DOCK3: variants seen among roughly 807,000 people sequenced by gnomAD.
DOCK3 encodes the protein dedicator of cytokinesis 3.
DOCK3 carries 60 observed loss-of-function variants against 265.6 expected under a neutral mutation model. The observed-to-expected ratio is 0.23, with a 90% CI of 0.18 to 0.28. The LOEUF (loss-of-function observed/expected upper bound fraction) is 0.28, where lower values mean the gene tolerates loss of function less well. DOCK3 is among the 10% of genes least tolerant of loss of function. The pLI is 1.00. For missense variants in DOCK3, 1,981 were observed against 2,594.3 expected, an observed-to-expected ratio of 0.76 and a Z score of 5.14; for synonymous variants, 881 against 938.0, an observed-to-expected ratio of 0.94 and a Z score of 1.11.
chr3:51,144,254 G>A (rs1439039387), intron 9 of DOCK3, among the ~76,000 whole-genome samples: 1 of 152,120 alleles, frequency 6.6e-6, no homozygotes, highest in Non-Finnish European at 1.5e-5. Context: ...TTAAAGTGTG[G>A]TCTAGACTGT....
chr3:51,267,774 AATGTGGCACATATACACC>A (rs972127338), intron 23 of DOCK3, among the ~76,000 whole-genome samples: 6 of 152,198 alleles, frequency 3.9e-5, no homozygotes, highest in African/African-American at 1.4e-4. Context: ...AGATAAAGAA[AATGTGGCACATATACACC>A]ATGGAATACT....
intron 12 of DOCK3, among the ~76,000 whole-genome samples, chr3:51,202,969 C>A (rs1293964799): frequency 6.6e-5 from 10 of 152,146 alleles, no homozygotes. Flanking sequence ...ATTCAACAGC[C>A]CTTCATGCTA....
intron 5 of DOCK3, among the ~76,000 whole-genome samples, chr3:50,941,835 A>G (rs1041109402): frequency 6.6e-6 from 1 of 152,106 alleles, no homozygotes; most frequent in Non-Finnish European, 1.5e-5. Flanking sequence ...CATTTATATG[A>G]CATTCTCATA....
chr3:51,318,567 C>G (rs981997790), intron 32 of DOCK3, among the ~76,000 whole-genome samples: 1 of 152,028 alleles, frequency 6.6e-6, no homozygotes, highest in African/African-American at 2.4e-5. Flanking sequence ...TAATTCCATG[C>G]AACTGAATGA....
At chr3:51,140,344 A>G (rs2084992418) in intron 9 of DOCK3, among the ~76,000 whole-genome samples, 2 of 152,316 alleles carry the variant, frequency 1.3e-5, no homozygotes, top group Non-Finnish European at 2.9e-5. Context: ...TAAAAATGGA[A>G]TCATACAGTG....
intron 5 of DOCK3, among the ~76,000 whole-genome samples, chr3:51,032,343 A>T (rs2080086027): frequency 6.6e-6 from 1 of 152,192 alleles, no homozygotes; most frequent in Non-Finnish European, 1.5e-5. Context: ...AGTGCCCCCA[A>T]ATCCTAAATT....
chr3:50,828,634 A>G (rs1401106150), intron 2 of DOCK3, among the ~76,000 whole-genome samples: 1 of 150,928 alleles, frequency 6.6e-6, no homozygotes, highest in African/African-American at 2.4e-5. Flanking sequence ...CAAACTCCTG[A>G]CCTCAGGTGA....
intron 4 of DOCK3, among the ~76,000 whole-genome samples, chr3:50,928,007 C>G (rs1407079968): frequency 6.6e-6 from 1 of 151,938 alleles, no homozygotes; most frequent in East Asian, 1.9e-4. Flanking sequence ...GACCTGCATT[C>G]TAGAGAGATT....
chr3:50,743,832 T>C (rs1386087239), intron 1 of DOCK3, among the ~76,000 whole-genome samples: 1 of 152,188 alleles, frequency 6.6e-6, no homozygotes, highest in Non-Finnish European at 1.5e-5. Flanking sequence ...CTGTTTAACT[T>C]TTTGAGTAAC....
At chr3:50,873,928 GTGA>G (rs2047561439) in intron 3 of DOCK3, among the ~76,000 whole-genome samples, 1 of 152,152 alleles carries the variant, frequency 6.6e-6, no homozygotes. Flanking sequence ...TGGGGGAAGG[GTGA>G]TGTCTGTGAT....
At chr3:51,023,029 G>A (rs2079660564) in intron 5 of DOCK3, among the ~76,000 whole-genome samples, 1 of 152,094 alleles carries the variant, frequency 6.6e-6, no homozygotes, top group Admixed American at 6.6e-5. Context: ...ATGTGCCTTG[G>A]CTATGGTCTT....
chr3:51,229,620 C>T lies in DOCK3; in HGVS notation c.1917+11C>T. 6.3e-7 allele frequency: 1 copy of T among 1,582,780 alleles called. No homozygotes were observed. The highest frequency in any genetic ancestry group is 1.8e-5 in the Admixed American group (1 of 56,112). On this transcript the variant is annotated intron_variant, in intron 19 of 52. Coordinates refer to ENST00000266037, the MANE Select transcript of DOCK3 (RefSeq NM_004947.5). ...GAGGAAATTGTTAAGGTATGTCTTC[C>T]ATATAATTTAAACATACTGCATGAG...
chr3:50,882,995 C>A (rs1559764856), intron 3 of DOCK3, among the ~76,000 whole-genome samples: 1 of 152,110 alleles, frequency 6.6e-6, no homozygotes, highest in South Asian at 2.1e-4. Context: ...GAAACCATCA[C>A]TCTGAGCAAA....
At chr3:51,291,419 G>C (rs1051416539) in intron 27 of DOCK3, among the ~76,000 whole-genome samples, 3 of 152,088 alleles carry the variant, frequency 2.0e-5, no homozygotes, top group East Asian at 3.8e-4. Context: ...AATAGAAGAC[G>C]TTACAACTGA....
chr3:50,954,986 A>T (rs1002797771), intron 5 of DOCK3, among the ~76,000 whole-genome samples: 8 of 152,014 alleles, frequency 5.3e-5, no homozygotes, highest in African/African-American at 1.9e-4. Flanking sequence ...ATCCATCTTG[A>T]GTTGATTTTT....
At chr3:51,261,706 G>T (rs2079856573) in intron 23 of DOCK3, among the ~76,000 whole-genome samples, 1 of 152,162 alleles carries the variant, frequency 6.6e-6, no homozygotes, top group Non-Finnish European at 1.5e-5. Flanking sequence ...TGTCGATCTG[G>T]GACACTCAAG....
chr3:50,735,145 C>T (rs1325843762), intron 1 of DOCK3, among the ~76,000 whole-genome samples: 1 of 151,932 alleles, frequency 6.6e-6, no homozygotes, highest in Non-Finnish European at 1.5e-5. Flanking sequence ...CCATTTTCTC[C>T]TGGTCTGCAA....
chr3:51,357,203 C>A, intron 44 of DOCK3, 62 bp downstream of exon 44: 2 of 1,549,280 alleles, frequency 1.3e-6, no homozygotes, highest in Non-Finnish European at 1.7e-6. Context: ...GGCTCACAGG[C>A]TTCTCTTTTC....
chr3:50,931,761 T>C (rs1462278109), intron 4 of DOCK3, among the ~76,000 whole-genome samples: 1 of 152,228 alleles, frequency 6.6e-6, no homozygotes, highest in African/African-American at 2.4e-5. Context: ...AGTGAGTCTC[T>C]TGGGCAGTGT....
Sources: allele counts gnomAD v4.1 joint callset (sites outside exome capture counted in the v4.1 genomes callset), GRCh38; gene constraint gnomAD v4.1.1; transcripts MANE v1.5; gene names NCBI Gene and HGNC (gene_info 2026-07-23, HGNC 2026-07-21).